The following LSM5 variants were observed in gnomAD, a reference collection of about 807,000 sequenced individuals.
LSM5 encodes LSM5 homolog, U6 small nuclear RNA and mRNA degradation associated, also known as U6 snRNA-associated Sm-like protein LSm5.
In LSM5, 8 loss-of-function variants were observed where a neutral mutation model predicts 13.8. The ratio of observed to expected loss-of-function variants is 0.58; its 90% CI spans 0.34 to 1.04. LSM5 has a LOEUF of 1.04. LSM5 is among the 50% of genes least tolerant of loss of function. The pLI is 0.03. For synonymous variants in LSM5, 35 were observed against 37.0 expected (o/e 0.95, Z 0.20); for missense variants, 80 against 108.1 (o/e 0.74, Z 1.15).
intron 1 of LSM5, chr7:32,489,999 G>T: frequency 7.7e-7 from 1 of 1,293,582 alleles, no homozygotes; most frequent in Non-Finnish European, 1.0e-6. Context: ...GATCGTAAAC[G>T]CCAGGCTGAG....
At chr7:32,489,985 T>C (rs1173902458) in intron 1 of LSM5, 1 of 1,259,204 alleles carries the variant, frequency 7.9e-7, no homozygotes, top group Non-Finnish European at 1.0e-6. Context: ...CTATCTAATC[T>C]GGGGATCGTA....
At chr7:32,490,019 T>C in intron 1 of LSM5, 1 of 1,356,384 alleles carries the variant, frequency 7.4e-7, no homozygotes. Flanking sequence ...GAAGTAGGCC[T>C]ACTACCTATA....
rs758040344 is a variant in LSM5 at position 32,487,313 on chromosome 7, A to G, written c.244-20T>C. On this transcript the variant is annotated intron_variant, in intron 4 of 4. Coordinates refer to ENST00000450169, the MANE Select transcript of LSM5 (RefSeq NM_012322.3). ...AACCAGCTGCATAAAGAGGAAAAAG[A>G]GTTTATTAATAACACTACCACCATG... The G allele has an allele frequency of 2.7e-5, 44 of 1,610,738 alleles. No individual in the cohort carries two copies. The highest frequency in any genetic ancestry group is 3.4e-5 in the Non-Finnish European group (40 of 1,177,310).
upstream of LSM5, chr7:32,490,543 T>C (rs991511324): frequency 1.6e-5 from 10 of 618,184 alleles, no homozygotes; most frequent in Admixed American, 5.6e-5. Flanking sequence ...CGGTGAAATA[T>C]TTCCTGCCCA....
chr7:32,490,028 T>A lies in LSM5; in HGVS notation c.46+292A>T, dbSNP rs1346004856. On this transcript the variant is annotated intron_variant, in intron 1 of 4. Transcript: ENST00000450169. ...GGCTGAGAAGTAGGCCTACTACCTA[T>A]AACACTGCAGAGGCGGGCTCACAAC... 2.2e-6 allele frequency: 3 copies of A among 1,390,102 alleles called. No homozygotes were observed. The East Asian group carries it at 9.7e-5, about 45-fold the overall frequency. The allele number at this position is 1,390,102 out of a possible 1,614,324, so 86.1% of individuals were successfully genotyped here.
intron 1 of LSM5, chr7:32,489,954 C>A: frequency 1.8e-6 from 2 of 1,089,218 alleles, no homozygotes; most frequent in African/African-American, 3.2e-5. Context: ...TGTCACTAAC[C>A]AACCACATAC....
upstream of LSM5, chr7:32,490,449 G>T (rs1786557998): frequency 5.1e-6 from 6 of 1,183,836 alleles, no homozygotes; most frequent in Admixed American, 6.8e-5. Context: ...GCCCAAACAG[G>T]CTCGACCAAT....
intron 3 of LSM5, chr7:32,488,294 CA>C (rs1164971667): frequency 4.2e-6 from 1 of 240,854 alleles, no homozygotes; most frequent in Non-Finnish European, 7.9e-6. Context: ...TTTGGCCTTC[CA>C]AAGTGCTAGG....
upstream of LSM5, among the ~76,000 whole-genome samples, chr7:32,492,045 T>C (rs1786606503): frequency 6.6e-6 from 1 of 152,218 alleles, no homozygotes; most frequent in African/African-American, 2.4e-5. Flanking sequence ...TACGAAGTAA[T>C]GCCAGATTTG....
At position 32,489,210 on chromosome 7, in the gene LSM5, A is replaced by C. The variant is rs746441880; in HGVS notation, c.142+39T>G. 21 of 1,007,734 alleles carry C rather than the reference A, an allele frequency of 2.1e-5. No homozygotes were observed. In the Admixed American group the frequency reaches 4.4e-4, roughly 21 times the overall value. The allele number at this position is 1,007,734 out of a possible 1,614,324, so 62.4% of individuals were successfully genotyped here. On this transcript the variant is annotated intron_variant, in intron 2 of 4. Coordinates refer to ENST00000450169, the MANE Select transcript of LSM5 (RefSeq NM_012322.3). ...GTCTATAGTTCTTATGTTATTACTT[A>C]AGAAAAACCTATACCACCACCACCT...
intron 2 of LSM5, 32 bp downstream of exon 2, chr7:32,489,217 A>T (rs776102117): frequency 1.8e-6 from 2 of 1,091,310 alleles, no homozygotes; most frequent in Non-Finnish European, 1.4e-6. Context: ...CTTAAGAAAA[A>T]CCTATACCAC....
At chr7:32,489,989 G>A (rs529099858) in intron 1 of LSM5, 2 of 1,267,758 alleles carry the variant, frequency 1.6e-6, no homozygotes, top group Non-Finnish European at 2.0e-6. Context: ...CTAATCTGGG[G>A]ATCGTAAACG....
chr7:32,494,649 A>G (rs1489520939), upstream of LSM5, among the ~76,000 whole-genome samples: 1 of 152,236 alleles, frequency 6.6e-6, no homozygotes, highest in Non-Finnish European at 1.5e-5. Context: ...TTAAATTGAC[A>G]TGAGATTCAC....
upstream of LSM5, chr7:32,495,255 C>T (rs1326794050): frequency 6.4e-6 from 1 of 156,516 alleles, no homozygotes; most frequent in African/African-American, 2.4e-5. Flanking sequence ...ACACCACAGG[C>T]TCTGCAAGCC....
chr7:32,491,198 C>G (rs1329926381), upstream of LSM5, among the ~76,000 whole-genome samples: 1 of 152,126 alleles, frequency 6.6e-6, no homozygotes, highest in Non-Finnish European at 1.5e-5. Flanking sequence ...GAGTTCGAGA[C>G]CAGCCTGGCC....
chr7:32,491,777 C>T (rs1355245933), upstream of LSM5, among the ~76,000 whole-genome samples: 4 of 152,190 alleles, frequency 2.6e-5, no homozygotes, highest in Non-Finnish European at 5.9e-5. Context: ...GCTGTTATTA[C>T]TTATCCTTGT....
chr7:32,491,403 A>AAG (rs1317691856), upstream of LSM5, among the ~76,000 whole-genome samples: 1 of 151,748 alleles, frequency 6.6e-6, no homozygotes, highest in Non-Finnish European at 1.5e-5. Context: ...ATCTCAAAAA[A>AAG]AAAAAAAAAA....
intron 1 of LSM5, 99 bp from the exon 2 acceptor site, chr7:32,489,443 G>A: frequency 1.4e-6 from 1 of 707,252 alleles, no homozygotes; most frequent in Non-Finnish European, 2.5e-6. Context: ...GAAAAACCAG[G>A]AAAAACATTC....
At chr7:32,492,395 C>G (rs2044838), upstream of LSM5, among the ~76,000 whole-genome samples, 117,078 of 152,036 alleles carry the variant, frequency 0.77, 45,634 homozygotes, top group East Asian at 0.83. Flanking sequence ...TGGTGGCACA[C>G]GCCTGTAGTC....
Sources: allele counts gnomAD v4.1 joint callset (sites outside exome capture counted in the v4.1 genomes callset), GRCh38; gene constraint gnomAD v4.1.1; transcripts MANE v1.5; gene names NCBI Gene and HGNC (gene_info 2026-07-23, HGNC 2026-07-21).